HIVEP3: variants seen among roughly 807,000 people sequenced by gnomAD.
The protein encoded by HIVEP3 is transcription factor HIVEP3.
Under a neutral mutation model 152.8 loss-of-function variants are expected in HIVEP3, and 49 were observed. The ratio of observed to expected loss-of-function variants is 0.32; its 90% confidence interval spans 0.26 to 0.41. The LOEUF is 0.41. Among genes scored for constraint, HIVEP3 ranks in the 10% least tolerant of loss-of-function variants. The pLI is 1.00. For synonymous variants in HIVEP3, 1,269 were observed against 1,289.0 expected (o/e 0.98, Z 0.33); for missense variants, 2,790 against 3,103.3 (o/e 0.90, Z 2.40).
intron 1 of HIVEP3, among the ~76,000 whole-genome samples, chr1:41,740,915 A>G (rs1410266232): frequency 6.6e-6 from 1 of 152,166 alleles, no homozygotes; most frequent in Non-Finnish European, 1.5e-5. Flanking sequence ...GACAGCTGGC[A>G]GGGGGTGGGG....
intron 3 of HIVEP3, among the ~76,000 whole-genome samples, chr1:41,606,642 T>G (rs1644826086): frequency 6.6e-6 from 1 of 151,924 alleles, no homozygotes; most frequent in Non-Finnish European, 1.5e-5. Context: ...CTTTTTTGAT[T>G]GATGAAATAA....
chr1:41,665,393 C>G (rs1481871222), intron 2 of HIVEP3, among the ~76,000 whole-genome samples: 1 of 152,118 alleles, frequency 6.6e-6, no homozygotes, highest in African/African-American at 2.4e-5. Context: ...TGGGCCAGGT[C>G]TTGAGAAAGT....
chr1:41,529,361 TCA>T (rs1643157386), intron 5 of HIVEP3, among the ~76,000 whole-genome samples: 1 of 69,706 alleles, frequency 1.4e-5, no homozygotes, highest in African/African-American at 5.9e-5. Context: ...ACCCCCACAC[TCA>T]CACGCTCACC....
chr1:41,632,932 TGTG>T (rs1645216752), intron 2 of HIVEP3, among the ~76,000 whole-genome samples: 1 of 151,678 alleles, frequency 6.6e-6, no homozygotes, highest in African/African-American at 2.4e-5. Context: ...GTGGCCTGGA[TGTG>T]GTGGTGCTGT....
chr1:42,027,684 C>G (rs1645590109), intron 1 of HIVEP3, among the ~76,000 whole-genome samples: 2 of 152,226 alleles, frequency 1.3e-5, no homozygotes, highest in South Asian at 2.1e-4. Context: ...AAACTGGGAA[C>G]AAAAAGAGGT....
intron 3 of HIVEP3, among the ~76,000 whole-genome samples, chr1:41,625,183 A>G (rs1645100198): frequency 6.8e-6 from 1 of 147,904 alleles, no homozygotes; most frequent in South Asian, 2.1e-4. Flanking sequence ...AAAAAAAAAA[A>G]AAAAAAAAAG....
chr1:41,931,684 G>A (rs769103230), intron 1 of HIVEP3, among the ~76,000 whole-genome samples: 7 of 151,846 alleles, frequency 4.6e-5, no homozygotes, highest in Non-Finnish European at 1.0e-4. Flanking sequence ...CCTGAATATT[G>A]TTTTTGTTAG....
intron 2 of HIVEP3, among the ~76,000 whole-genome samples, chr1:41,686,057 GTTTGT>G (rs776149209): frequency 6.4e-4 from 97 of 150,584 alleles, no homozygotes; most frequent in Admixed American, 9.2e-4. Context: ...TTGTTTGTTT[GTTTGT>G]TTTGTTTTGT....
At chr1:41,591,978 A>C (rs1644594808) in intron 3 of HIVEP3, among the ~76,000 whole-genome samples, 1 of 152,068 alleles carries the variant, frequency 6.6e-6, no homozygotes, top group Admixed American at 6.5e-5. Context: ...CCTCCTGAAG[A>C]GCAGGTGCTG....
At chr1:41,841,135 C>T (rs546648258) in intron 1 of HIVEP3, among the ~76,000 whole-genome samples, 4 of 152,142 alleles carry the variant, frequency 2.6e-5, no homozygotes, top group Non-Finnish European at 4.4e-5. Context: ...GCGTTTCCAC[C>T]TACAAACCCC....
At chr1:41,526,406 C>T (rs1205124326) in intron 5 of HIVEP3, among the ~76,000 whole-genome samples, 3 of 138,994 alleles carry the variant, frequency 2.2e-5, no homozygotes, top group African/African-American at 8.1e-5. Flanking sequence ...ATGCCCACAC[C>T]CCCACACTCA....
chr1:41,919,795 T>G (rs888393972), upstream of HIVEP3, among the ~76,000 whole-genome samples: 1 of 152,238 alleles, frequency 6.6e-6, no homozygotes, highest in African/African-American at 2.4e-5. Flanking sequence ...TTGTTCTGGC[T>G]TTTAAAGAGG....
chr1:41,753,973 A>G (rs1647213620), intron 1 of HIVEP3, among the ~76,000 whole-genome samples: 1 of 152,128 alleles, frequency 6.6e-6, no homozygotes, highest in Non-Finnish European at 1.5e-5. Flanking sequence ...GCAATGCTGG[A>G]GGTGAGTGCC....
chr1:41,513,866 C>T (rs943307307), intron 7 of HIVEP3, 116 bp from the exon 8 acceptor site: 7 of 765,310 alleles, frequency 9.1e-6, no homozygotes, highest in Admixed American at 7.1e-5. Context: ...AAATAGCCAT[C>T]GCAAGGGCAC....
intron 1 of HIVEP3, among the ~76,000 whole-genome samples, chr1:41,889,051 C>A (rs562451542): frequency 0.043 from 6,394 of 147,160 alleles, 454 homozygotes; most frequent in African/African-American, 0.16. Context: ...CACACACACA[C>A]CACACAACAC....
chr1:41,654,827 C>G (rs1213690870), intron 2 of HIVEP3, among the ~76,000 whole-genome samples: 1 of 152,166 alleles, frequency 6.6e-6, no homozygotes, highest in Admixed American at 6.5e-5. Flanking sequence ...GGGAGAAACA[C>G]AGTGTCCAGT....
At chr1:41,888,969 A>G (rs1468183141) in intron 1 of HIVEP3, among the ~76,000 whole-genome samples, 1 of 136,518 alleles carries the variant, frequency 7.3e-6, no homozygotes, top group Admixed American at 7.0e-5. Flanking sequence ...ACACACACAC[A>G]CAAAGACCAC....
At chr1:41,623,899 G>T (rs928835500) in intron 3 of HIVEP3, among the ~76,000 whole-genome samples, 1 of 59,532 alleles carries the variant, frequency 1.7e-5, no homozygotes, top group African/African-American at 1.5e-4. Flanking sequence ...TCTGCATGCC[G>T]ATCAGAGTGA....
chr1:41,617,013 G>A (rs1644978877), intron 3 of HIVEP3, among the ~76,000 whole-genome samples: 1 of 152,158 alleles, frequency 6.6e-6, no homozygotes, highest in Non-Finnish European at 1.5e-5. Context: ...TAAGTGGTGG[G>A]ATCCGGATTT....
Sources: gnomAD v4.1 joint callset for allele counts (sites outside exome capture counted in the v4.1 genomes callset) on GRCh38, gnomAD v4.1.1 for gene constraint, MANE v1.5 for transcripts, NCBI Gene and HGNC (gene_info 2026-07-23, HGNC 2026-07-21) for gene names.